The following PTPRK variants were observed in gnomAD, a reference collection of about 807,000 sequenced individuals.
PTPRK encodes receptor-type tyrosine-protein phosphatase kappa.
Under a neutral mutation model 178.0 loss-of-function variants are expected in PTPRK, and 75 were observed. That is an observed-to-expected ratio of 0.42 (90% CI 0.35 to 0.51). The LOEUF is 0.51. Ranked by LOEUF, PTPRK falls within the 20% of genes least tolerant of loss-of-function variation. PTPRK has a pLI of 0.02. For synonymous variants in PTPRK, 637 were observed against 620.6 expected (o/e 1.03, Z -0.39); for missense variants, 1,441 against 1,797.8 (o/e 0.80, Z 3.59).
chr6:128,452,570 A>C (rs1037750114), intron 1 of PTPRK, among the ~76,000 whole-genome samples: 1 of 152,154 alleles, frequency 6.6e-6, no homozygotes, highest in Non-Finnish European at 1.5e-5. Flanking sequence ...AAGACACAGC[A>C]AGGTCTTTTA....
At chr6:127,994,753 T>A (rs1475847853) in intron 18 of PTPRK, among the ~76,000 whole-genome samples, 1 of 151,942 alleles carries the variant, frequency 6.6e-6, no homozygotes, top group Non-Finnish European at 1.5e-5. Flanking sequence ...TGTGATTCGA[T>A]ATATATGTGT....
intron 2 of PTPRK, among the ~76,000 whole-genome samples, chr6:128,339,138 A>G (rs1831332536): frequency 6.6e-6 from 1 of 152,216 alleles, no homozygotes. Context: ...CAATCTGATT[A>G]CAAACCTTTT....
intron 14 of PTPRK, among the ~76,000 whole-genome samples, chr6:128,006,799 G>A (rs376959585): frequency 2.0e-5 from 3 of 150,954 alleles, no homozygotes; most frequent in South Asian, 2.1e-4. Context: ...ATGACATTGC[G>A]TTTTGAAAGA....
At chr6:128,322,384 T>C (rs6931769) in intron 2 of PTPRK, 74 bp from the exon 3 acceptor site, 108,432 of 1,363,736 alleles carry the variant, frequency 0.08, 6,177 homozygotes, top group African/African-American at 0.28. Context: ...AAAAATATGC[T>C]AATCCATTCT....
chr6:128,164,715 A>C (rs1482425835), intron 7 of PTPRK, among the ~76,000 whole-genome samples: 1 of 148,878 alleles, frequency 6.7e-6, no homozygotes, highest in Non-Finnish European at 1.5e-5. Context: ...ACTAAATTAC[A>C]GGCTGGGGGG....
intron 2 of PTPRK, among the ~76,000 whole-genome samples, chr6:128,340,978 T>G (rs1024225288): frequency 1.3e-5 from 2 of 152,200 alleles, no homozygotes; most frequent in Non-Finnish European, 2.9e-5. Flanking sequence ...GTTCTCTGTT[T>G]TACTATATTT....
At chr6:128,114,513 G>A (rs1791173640) in intron 7 of PTPRK, among the ~76,000 whole-genome samples, 1 of 151,568 alleles carries the variant, frequency 6.6e-6, no homozygotes, top group African/African-American at 2.4e-5. Flanking sequence ...CCAGCTACTT[G>A]GAAGAATGAG....
intron 7 of PTPRK, among the ~76,000 whole-genome samples, chr6:128,136,091 T>C (rs1384065735): frequency 1.3e-5 from 2 of 152,100 alleles, no homozygotes; most frequent in Admixed American, 1.3e-4. Flanking sequence ...GAGAAAGAGA[T>C]ATCTGGGATG....
chr6:128,397,862 A>G (rs1035605454), intron 1 of PTPRK, among the ~76,000 whole-genome samples, 174 bp from the exon 2 acceptor site: 4 of 152,218 alleles, frequency 2.6e-5, no homozygotes, highest in Admixed American at 2.6e-4. Context: ...ATAAATGTCT[A>G]TCAGTACTTT....
chr6:128,060,860 C>T (rs983455608), intron 13 of PTPRK, among the ~76,000 whole-genome samples: 1 of 152,042 alleles, frequency 6.6e-6, no homozygotes. Flanking sequence ...GAAATAAAAA[C>T]AACTCTAGTT....
intron 2 of PTPRK, among the ~76,000 whole-genome samples, chr6:128,377,730 C>A (rs566572347): frequency 7.4e-5 from 11 of 149,466 alleles, no homozygotes; most frequent in East Asian, 2.0e-4. Flanking sequence ...AGAAAAAAAA[C>A]CCAGAATCAA....
At chr6:128,305,157 G>C (rs17055596) in intron 3 of PTPRK, among the ~76,000 whole-genome samples, 1 of 152,048 alleles carries the variant, frequency 6.6e-6, no homozygotes, top group Admixed American at 6.6e-5. Context: ...AAGAATTCCC[G>C]TTTCAAAGTC....
Position 128,435,094 on chromosome 6 carries a change from AAGGAAGGAAGGAAGGCAGGAAGGCAGGC to A in PTPRK, c.101-37434_101-37407del, listed in dbSNP as rs1562515507. On this transcript the variant is annotated intron_variant, in intron 1 of 29. Coordinates refer to ENST00000368226, the MANE Select transcript of PTPRK (RefSeq NM_002844.4). The stretch of plus-strand genomic sequence containing the variant: ...GAAGGAAGGAAGGAAGGAAGGAAGG[AAGGAAGGAAGGAAGGCAGGAAGGCAGGC>A]AGGAAGGCAGGCAGGCAGGCAGGCA... 2.5e-3 allele frequency among the ~76,000 whole-genome samples: 229 copies of A among 92,026 alleles called. 1 individual carries two copies. Among genetic ancestry groups the A allele is most frequent in the African/African-American group, 8.5e-3 (158 of 18,656 alleles). The allele number at this position is 92,026 out of a possible 152,430, so 60.4% of individuals were successfully genotyped here.
chr6:128,000,182 TAA>T, intron 15 of PTPRK: 3 of 1,002,232 alleles, frequency 3.0e-6, no homozygotes, highest in Non-Finnish European at 3.6e-6. Context: ...ACTTTTTTTT[TAA>T]TGATAATGCA....
chr6:128,275,533 A>G (rs1820591997), intron 3 of PTPRK, among the ~76,000 whole-genome samples: 1 of 152,050 alleles, frequency 6.6e-6, no homozygotes, highest in African/African-American at 2.4e-5. Context: ...TGCTAACTGA[A>G]GACAGTACAG....
intron 6 of PTPRK, among the ~76,000 whole-genome samples, chr6:128,201,703 T>C (rs1045575246): frequency 6.6e-6 from 1 of 151,876 alleles, no homozygotes; most frequent in Admixed American, 6.6e-5. Flanking sequence ...TATTAAAAAA[T>C]ATATATATTT....
intron 3 of PTPRK, among the ~76,000 whole-genome samples, chr6:128,279,589 C>T (rs1425385300): frequency 1.3e-5 from 2 of 152,012 alleles, no homozygotes; most frequent in Admixed American, 6.6e-5. Flanking sequence ...GTTCTTTTTT[C>T]CCTTTTTTAA....
At chr6:128,398,953 A>G (rs968609056) in intron 1 of PTPRK, among the ~76,000 whole-genome samples, 10 of 152,224 alleles carry the variant, frequency 6.6e-5, no homozygotes, top group Non-Finnish European at 1.5e-4. Flanking sequence ...ACGACTCAAC[A>G]TATTTAGTTT....
intron 3 of PTPRK, among the ~76,000 whole-genome samples, chr6:128,272,023 C>T (rs1054320124): frequency 3.9e-5 from 6 of 151,950 alleles, no homozygotes; most frequent in African/African-American, 1.5e-4. Context: ...GATTTATCCA[C>T]ATATGCATTA....
Sources: allele counts gnomAD v4.1 joint callset (sites outside exome capture counted in the v4.1 genomes callset), GRCh38; gene constraint gnomAD v4.1.1; transcripts MANE v1.5; gene names NCBI Gene and HGNC (gene_info 2026-07-23, HGNC 2026-07-21).